FGF8: variants seen among roughly 807,000 people sequenced by gnomAD.
FGF8 encodes androgen-induced growth factor.
A neutral mutation model predicts 29.7 loss-of-function variants in FGF8; 12 were observed. That is an observed-to-expected ratio of 0.40 (90% CI 0.26 to 0.65). The LOEUF is 0.65. Among genes scored for constraint, FGF8 ranks in the 30% least tolerant of loss-of-function variants. The pLI, the probability that FGF8 is intolerant of heterozygous loss-of-function variation, is 0.37. For synonymous variants in FGF8, 157 were observed against 144.4 expected, an observed-to-expected ratio of 1.09 and a Z score of -0.63; for missense variants, 271 against 345.1, an observed-to-expected ratio of 0.79 and a Z score of 1.70.
intron 4 of FGF8, 138 bp downstream of exon 4, chr10:101,774,594 C>G (rs756281487): frequency 4.2e-6 from 3 of 715,508 alleles, no homozygotes; most frequent in East Asian, 5.4e-5. Flanking sequence ...CCTCTCTTCC[C>G]CAGCTGACCC....
rs752104570 is a variant in FGF8, at chr10:101,772,143, CTGAGAAGGTGCTAGGGA to C, written c.338-591_338-575del. On this transcript the variant is annotated intron_variant, in intron 4 of 5. Coordinates refer to ENST00000320185, the MANE Select transcript of FGF8 (RefSeq NM_033163.5). This position sits in a 1 kb window ranked among gnomAD's most constrained non-coding sequence, Gnocchi z 4.4. ...CTCAACATCACCAGGCTCTGCTCTG[CTGAGAAGGTGCTAGGGA>C]TGGGGACAGCTCTCCCTAAACACAC... is the stretch of plus-strand genomic sequence containing the variant. Among the ~76,000 whole-genome samples, 27 of 152,366 alleles carry C rather than the reference CTGAGAAGGTGCTAGGGA, an allele frequency of 1.8e-4. No individual in the cohort carries two copies. Among genetic ancestry groups the C allele is most frequent in the Non-Finnish European group, 2.9e-4 (20 of 68,036 alleles).
At chr10:101,779,456 C>T (rs564807000), upstream of FGF8, among the ~76,000 whole-genome samples, 61 of 152,292 alleles carry the variant, frequency 4.0e-4, 2 homozygotes, top group South Asian at 3.7e-3. The surrounding 1 kb of genome is among the most constrained non-coding windows in gnomAD (Gnocchi z 5.7). Context: ...GAAGAGGGCT[C>T]GAGGAGAGGC....
At position 101,772,030 on chromosome 10, in the gene FGF8, C is replaced by T. The variant is rs1289917693; in HGVS notation, c.338-461G>A. 1.3e-5 allele frequency among the ~76,000 whole-genome samples: 2 copies of T among 152,226 alleles called. No individual in the cohort carries two copies. The highest frequency in any genetic ancestry group is 3.8e-4 in the East Asian group (2 of 5,208). On this transcript the variant is annotated intron_variant, in intron 4 of 5. Coordinates refer to ENST00000320185, the MANE Select transcript of FGF8 (RefSeq NM_033163.5). This position sits in a 1 kb window ranked among gnomAD's most constrained non-coding sequence, Gnocchi z 4.4. ...TACAAACACTTGGGTGAAGGGGTGACCTCCAGTCCCAAGGCCAAAGATGAA... is the reference window on the plus strand; with the variant it reads ...TACAAACACTTGGGTGAAGGGGTGATCTCCAGTCCCAAGGCCAAAGATGAA...
chr10:101,775,027 G>A lies in FGF8; in HGVS notation c.156+103C>T, dbSNP rs891119484. The A allele has an allele frequency of 1.7e-5, 25 of 1,502,352 alleles. No homozygotes were observed. In the Admixed American group the frequency reaches 4.8e-4, roughly 29 times the overall value. 93.1% of individuals were successfully genotyped at this position (1,502,352 alleles called of 1,614,324 possible). A position where few individuals can be genotyped will look rare whatever the true frequency, so the allele number is the denominator to read the frequency against. On this transcript the variant is annotated intron_variant, in intron 3 of 5. Coordinates refer to ENST00000320185, the MANE Select transcript of FGF8 (RefSeq NM_033163.5). This position sits in a 1 kb window ranked among gnomAD's most constrained non-coding sequence, Gnocchi z 4.6. ...CTGCCCCAAGCCGCCAGCAGGTGCT[G>A]GGGGTTCCCCCAACATGCCAGCCCA...
In FGF8 at chr10:101,772,609, C is replaced by T. The variant is rs772780192; in HGVS notation, c.338-1040G>A. On this transcript the variant is annotated intron_variant, in intron 4 of 5. Transcript: ENST00000320185. This position sits in a 1 kb window ranked among gnomAD's most constrained non-coding sequence, Gnocchi z 4.4. ...GCGCTGGCTCTCCTGCCGTCCCTGC[C>T]GCAGAGCCCAGCCTCTCCCCTCCCT... Among the ~76,000 whole-genome samples the T allele has an allele frequency of 3.9e-4, 59 of 152,332 alleles. No homozygotes were observed. Among genetic ancestry groups the T allele is most frequent in the African/African-American group, 1.0e-3 (43 of 41,586 alleles).
chr10:101,771,520 T>A lies in FGF8; in HGVS notation c.387A>T (p.Arg129=). ...TDTFGSRVRV[R]GAETGLYICM... is the part of the protein sequence containing the mutation. ...AGATGTAGAGGCCCGTCTCGGCTCC[T>A]CGGACTCGAACTCTGCTTCCAAAGG... Residue 129 remains arginine, a synonymous_variant, in exon 5 of 6, where the codon CGA becomes CGT. Coordinates refer to ENST00000320185, the MANE Select transcript of FGF8 (RefSeq NM_033163.5). The surrounding 1 kb of genome is among the most constrained non-coding windows in gnomAD (Gnocchi z 5.3). The A allele has an allele frequency of 6.2e-7, 1 of 1,614,232 alleles. No individual in the cohort carries two copies.
In FGF8 at chr10:101,775,445, C is replaced by G; in HGVS notation, c.70-229G>C. The G allele has an allele frequency of 3.3e-6, 2 of 603,762 alleles. No homozygotes were observed. Among genetic ancestry groups the G allele is most frequent in the Non-Finnish European group, 5.9e-6 (2 of 339,768 alleles). The allele number at this position is 603,762 out of a possible 1,614,324, so 37.4% of individuals were successfully genotyped here. A position where few individuals can be genotyped will look rare whatever the true frequency, so the allele number is the denominator to read the frequency against. On this transcript the variant is annotated intron_variant, in intron 2 of 5. Transcript: ENST00000320185. This position sits in a 1 kb window ranked among gnomAD's most constrained non-coding sequence, Gnocchi z 4.6. ...ATCCCCTGGCCGCGGCTGCCCCCTT[C>G]CTCGGCGGCTGGGTGTTCCCTATGC...
intron 4 of FGF8, among the ~76,000 whole-genome samples, chr10:101,774,200 G>A (rs1221690004): frequency 6.6e-6 from 1 of 152,218 alleles, no homozygotes; most frequent in Non-Finnish European, 1.5e-5. Flanking sequence ...ACAGGGAGCC[G>A]GGAGCCCTGC....
chr10:101,776,381 G>A (rs1418904309), upstream of FGF8, among the ~76,000 whole-genome samples: 1 of 150,720 alleles, frequency 6.6e-6, no homozygotes, highest in Non-Finnish European at 1.5e-5. Flanking sequence ...CGGGAGGGGC[G>A]GGGGCGGCCG....
chr10:101,770,290 T>C lies in FGF8; in HGVS notation c.*39A>G, dbSNP rs751530388. ...TTTTGGGTGCCCTACAGGATGAGCC[T>C]CTCTGCGGTCTGGCATTGTGGGGAG... On this transcript the variant is annotated 3_prime_UTR_variant, in exon 6 of 6. Transcript: ENST00000320185. 6.5e-7 allele frequency: 1 copy of C among 1,546,308 alleles called. No individual in the cohort carries two copies. Among genetic ancestry groups the C allele is most frequent in the South Asian group, 1.2e-5 (1 of 81,440 alleles).
At chr10:101,776,566 G>T (rs373794330), upstream of FGF8, among the ~76,000 whole-genome samples, 38 of 152,056 alleles carry the variant, frequency 2.5e-4, no homozygotes, top group East Asian at 7.0e-3. Context: ...CCGCCTCCGG[G>T]CCCAGCCGCT....
chr10:101,778,040 G>A (rs746977155), upstream of FGF8, among the ~76,000 whole-genome samples: 9 of 152,236 alleles, frequency 5.9e-5, no homozygotes, highest in Non-Finnish European at 1.0e-4. Flanking sequence ...TGTAAGGCCT[G>A]AGTCACAATT....
Position 101,771,589 on chromosome 10 carries a change from G to A in FGF8, c.338-20C>T, listed in dbSNP as rs2134992478. 1 of 1,596,666 alleles carries A rather than the reference G, an allele frequency of 6.3e-7. No individual in the cohort carries two copies. Among genetic ancestry groups the A allele is most frequent in the East Asian group, 2.2e-5 (1 of 44,808 alleles). On this transcript the variant is annotated intron_variant, in intron 4 of 5. Coordinates refer to ENST00000320185, the MANE Select transcript of FGF8 (RefSeq NM_033163.5). This position sits in a 1 kb window ranked among gnomAD's most constrained non-coding sequence, Gnocchi z 5.3. ...GCTTTGCTGTCAGAGAAGGTAGCAG[G>A]ATGGCTATTGGCAGATCCCTGACCC...
At chr10:101,780,112 A>G (rs1034309102), upstream of FGF8, among the ~76,000 whole-genome samples, 2 of 152,178 alleles carry the variant, frequency 1.3e-5, no homozygotes, top group African/African-American at 4.8e-5. Context: ...CCGCAGCGAG[A>G]CCCATGGTTC....
intron 4 of FGF8, among the ~76,000 whole-genome samples, chr10:101,773,486 C>G (rs1316179597): frequency 6.7e-6 from 1 of 149,722 alleles, no homozygotes; most frequent in East Asian, 2.0e-4. Flanking sequence ...TCTCCCATGT[C>G]GGTTGAATCT....
At chr10:101,777,682 G>A (rs962304250), upstream of FGF8, among the ~76,000 whole-genome samples, 3 of 152,254 alleles carry the variant, frequency 2.0e-5, no homozygotes, top group Non-Finnish European at 4.4e-5. Context: ...TTGCCCACAA[G>A]GACCATGTCT....
chr10:101,778,894 A>G (rs2065117895), upstream of FGF8, among the ~76,000 whole-genome samples: 1 of 152,142 alleles, frequency 6.6e-6, no homozygotes, highest in Non-Finnish European at 1.5e-5. Context: ...TGTTTCCTCG[A>G]ATCTGCAATC....
intron 5 of FGF8, 130 bp from the exon 6 acceptor site, chr10:101,770,749 G>A: frequency 1.0e-6 from 1 of 977,620 alleles, no homozygotes; most frequent in Non-Finnish European, 1.6e-6. Context: ...CCCACCCCCT[G>A]CCTGGGCACC....
upstream of FGF8, among the ~76,000 whole-genome samples, chr10:101,777,535 C>G (rs1010812994): frequency 6.6e-6 from 1 of 152,250 alleles, no homozygotes; most frequent in African/African-American, 2.4e-5. Flanking sequence ...AATGCAAACA[C>G]TGAGCAATGG....
Sources: gnomAD v4.1 joint callset for allele counts (sites outside exome capture counted in the v4.1 genomes callset) on GRCh38, gnomAD v4.1.1 for gene constraint, Gnocchi (gnomAD v3.1) non-coding constraint, MANE v1.5 for transcripts, NCBI Gene and HGNC (gene_info 2026-07-23, HGNC 2026-07-21) for gene names.